Variants in SCHIP1 observed in about 807,000 individuals in gnomAD.
SCHIP1 encodes the protein schwannomin-interacting protein 1.
A neutral mutation model predicts 29.7 loss-of-function variants in SCHIP1; 8 were observed. That is an observed-to-expected ratio of 0.27 (90% CI 0.16 to 0.49). SCHIP1 has a LOEUF of 0.49. Ranked by LOEUF, SCHIP1 falls within the 20% of genes least tolerant of loss-of-function variation. SCHIP1 has a pLI of 0.99. For synonymous variants in SCHIP1, 76 were observed against 94.9 expected, an observed-to-expected ratio of 0.80 and a Z score of 1.16; for missense variants, 193 against 294.6, an observed-to-expected ratio of 0.66 and a Z score of 2.52.
the SCHIP1 span, among the ~76,000 whole-genome samples, chr3:159,632,146 G>T: frequency 1.7e-4 from 26 of 152,278 alleles, no homozygotes; most frequent in South Asian, 5.2e-3. Context: ...CAACCAGCTC[G>T]TTTGAGGACT....
chr3:159,412,793 G>A, the SCHIP1 span, among the ~76,000 whole-genome samples: 1 of 152,238 alleles, frequency 6.6e-6, no homozygotes, highest in South Asian at 2.1e-4. Context: ...TACTAAACAG[G>A]TGACAGACAC....
At chr3:159,787,762 A>G in the SCHIP1 span, among the ~76,000 whole-genome samples, 150 of 152,230 alleles carry the variant, frequency 9.9e-4, no homozygotes, top group African/African-American at 3.5e-3. Context: ...GCTTAACAGC[A>G]TTTTCAAAGT....
the SCHIP1 span, among the ~76,000 whole-genome samples, chr3:159,812,041 G>C: frequency 6.8e-6 from 1 of 146,494 alleles, no homozygotes; most frequent in Non-Finnish European, 1.5e-5. Context: ...GTGTGATCTC[G>C]GCTCACTGTA....
chr3:159,709,670 G>C, the SCHIP1 span, among the ~76,000 whole-genome samples: 9 of 152,114 alleles, frequency 5.9e-5, no homozygotes, highest in African/African-American at 1.9e-4. Flanking sequence ...ATATTTGTTA[G>C]ACTGCAAAAT....
the SCHIP1 span, among the ~76,000 whole-genome samples, chr3:159,597,881 G>A: frequency 6.6e-6 from 1 of 152,134 alleles, no homozygotes; most frequent in Admixed American, 6.6e-5. Flanking sequence ...ATAAACAAAA[G>A]AGGTTTCATG....
At chr3:159,554,707 T>C in the SCHIP1 span, among the ~76,000 whole-genome samples, 1,508 of 152,188 alleles carry the variant, frequency 9.9e-3, 26 homozygotes, top group African/African-American at 0.035. Context: ...TGATGCCCCT[T>C]CTTTCCTTTG....
At chr3:159,276,955 T>C in the SCHIP1 span, among the ~76,000 whole-genome samples, 1 of 151,994 alleles carries the variant, frequency 6.6e-6, no homozygotes. Flanking sequence ...GACTCTCATC[T>C]TGGATTTTTC....
chr3:159,616,950 A>G, the SCHIP1 span, among the ~76,000 whole-genome samples: 1 of 152,198 alleles, frequency 6.6e-6, no homozygotes, highest in African/African-American at 2.4e-5. Context: ...TATCCTAGCC[A>G]TATTGCAAGC....
At chr3:159,632,040 G>T in the SCHIP1 span, among the ~76,000 whole-genome samples, 2 of 152,010 alleles carry the variant, frequency 1.3e-5, no homozygotes, top group Non-Finnish European at 2.9e-5. Flanking sequence ...AAAAAATATG[G>T]TAAGATTTTT....
At chr3:159,868,443 G>A (rs1361360334) in intron 2 of SCHIP1, among the ~76,000 whole-genome samples, 2 of 151,964 alleles carry the variant, frequency 1.3e-5, no homozygotes, top group African/African-American at 2.4e-5. Context: ...TTCCTTTAGA[G>A]TAATTTCACA....
the SCHIP1 span, chr3:159,306,635 CTAA>C: frequency 2.7e-6 from 2 of 729,594 alleles, no homozygotes; most frequent in Non-Finnish European, 3.4e-6. Flanking sequence ...TTCTTTATTT[CTAA>C]TAATGTTTTA....
chr3:159,666,115 T>C, the SCHIP1 span, among the ~76,000 whole-genome samples: 1 of 152,154 alleles, frequency 6.6e-6, no homozygotes, highest in Non-Finnish European at 1.5e-5. Context: ...TGAACTCCAA[T>C]CCCAGTCAGT....
the SCHIP1 span, among the ~76,000 whole-genome samples, chr3:159,450,600 C>T: frequency 6.6e-6 from 1 of 151,970 alleles, no homozygotes; most frequent in East Asian, 1.9e-4. Context: ...TCAGCCCTGC[C>T]CCCAAAGCTT....
the SCHIP1 span, among the ~76,000 whole-genome samples, chr3:159,673,292 G>A: frequency 6.6e-6 from 1 of 152,322 alleles, no homozygotes; most frequent in South Asian, 2.1e-4. Flanking sequence ...CTGGTGAGCA[G>A]TCTGCATGGC....
intron 2 of SCHIP1, among the ~76,000 whole-genome samples, chr3:159,880,530 A>G (rs1313078689): frequency 5.3e-5 from 8 of 152,206 alleles, no homozygotes; most frequent in Non-Finnish European, 5.9e-5. Context: ...GCATCACTTA[A>G]TGTAGGGGTC....
At chr3:159,378,748 G>T in the SCHIP1 span, among the ~76,000 whole-genome samples, 118 of 152,286 alleles carry the variant, frequency 7.7e-4, no homozygotes, top group African/African-American at 2.6e-3. Flanking sequence ...TTATTATCAC[G>T]CAGACACAGC....
chr3:159,757,200 AAAAG>A, the SCHIP1 span, among the ~76,000 whole-genome samples: 1 of 152,214 alleles, frequency 6.6e-6, no homozygotes, highest in Non-Finnish European at 1.5e-5. Context: ...GGCAATTTAC[AAAAG>A]AAAGAGGTTT....
chr3:159,698,535 T>C, the SCHIP1 span, among the ~76,000 whole-genome samples: 1 of 152,234 alleles, frequency 6.6e-6, no homozygotes, highest in Non-Finnish European at 1.5e-5. Context: ...CGCATTGCAA[T>C]GCACTTGCTT....
chr3:159,676,198 G>T, the SCHIP1 span, among the ~76,000 whole-genome samples: 4 of 152,156 alleles, frequency 2.6e-5, no homozygotes, highest in African/African-American at 9.7e-5. Context: ...GGCTCCAGAA[G>T]GGTTTATACT....
Sources: allele counts gnomAD v4.1 joint callset (sites outside exome capture counted in the v4.1 genomes callset), GRCh38; gene constraint gnomAD v4.1.1; transcripts MANE v1.5; gene names NCBI Gene and HGNC (gene_info 2026-07-23, HGNC 2026-07-21).